The following CTNNA3 variants were observed in gnomAD, a reference collection of about 807,000 sequenced individuals.
CTNNA3 encodes catenin alpha-3.
Under a neutral mutation model 95.7 loss-of-function variants are expected in CTNNA3, and 76 were observed. The observed-to-expected ratio is 0.79, with a 90% CI of 0.66 to 0.96. CTNNA3 has a LOEUF of 0.96. CTNNA3 is among the 40% of genes least tolerant of loss of function. The probability of loss-of-function intolerance (pLI) is 0.00; values close to 1 mark genes in which losing one functional copy is unlikely to be tolerated. For missense variants in CTNNA3, 1,191 were observed against 1,089.8 expected (o/e 1.09, Z -1.31); for synonymous variants, 431 against 374.4 (o/e 1.15, Z -1.74).
intron 9 of CTNNA3, among the ~76,000 whole-genome samples, chr10:66,752,743 G>C (rs1839196859): frequency 2.0e-5 from 3 of 151,898 alleles, no homozygotes; most frequent in African/African-American, 7.3e-5. Context: ...TAAGAAAATA[G>C]GGCTTGAAAA....
chr10:66,290,151 A>G (rs2091656171), intron 12 of CTNNA3, among the ~76,000 whole-genome samples: 1 of 152,072 alleles, frequency 6.6e-6, no homozygotes. Flanking sequence ...ATGTGTGAAT[A>G]AAGAGAAGTA....
chr10:67,540,494 C>G (rs1840648625), intron 3 of CTNNA3, among the ~76,000 whole-genome samples: 1 of 151,868 alleles, frequency 6.6e-6, no homozygotes, highest in African/African-American at 2.4e-5. Context: ...CCAAACTAAT[C>G]CCCCAAAGCA....
intron 1 of CTNNA3, among the ~76,000 whole-genome samples, chr10:67,756,562 A>T (rs1395402938): frequency 6.6e-6 from 1 of 152,220 alleles, no homozygotes; most frequent in African/African-American, 2.4e-5. Flanking sequence ...AACCTTGCAA[A>T]TGTGCTAAGA....
At chr10:66,465,155 A>G (rs13377069) in intron 11 of CTNNA3, among the ~76,000 whole-genome samples, 9,423 of 152,210 alleles carry the variant, frequency 0.062, 611 homozygotes, top group African/African-American at 0.16. Context: ...CAATAGATAC[A>G]TTGTAAAACT....
chr10:65,937,190 C>CT (rs1445456056), intron 17 of CTNNA3, among the ~76,000 whole-genome samples: 3 of 152,002 alleles, frequency 2.0e-5, no homozygotes, highest in Admixed American at 2.0e-4. Flanking sequence ...AATCAATGTC[C>CT]TTTTTACATG....
At chr10:65,999,163 G>A (rs1055307276) in intron 15 of CTNNA3, among the ~76,000 whole-genome samples, 2 of 152,040 alleles carry the variant, frequency 1.3e-5, no homozygotes, top group Admixed American at 6.6e-5. Flanking sequence ...TAGATGTTAC[G>A]TACATGGTTA....
chr10:66,623,294 A>G (rs1335035780), intron 9 of CTNNA3, among the ~76,000 whole-genome samples: 1 of 152,154 alleles, frequency 6.6e-6, no homozygotes, highest in Non-Finnish European at 1.5e-5. Flanking sequence ...CATTGGCTCA[A>G]TGTGGTCAAA....
chr10:67,637,668 G>A (rs541360613), intron 2 of CTNNA3, among the ~76,000 whole-genome samples: 7 of 152,126 alleles, frequency 4.6e-5, no homozygotes, highest in African/African-American at 7.2e-5. Flanking sequence ...CTGATCTCTC[G>A]GCAGAAACTC....
At chr10:66,548,615 C>T (rs139610257) in intron 10 of CTNNA3, among the ~76,000 whole-genome samples, 8 of 152,014 alleles carry the variant, frequency 5.3e-5, no homozygotes, top group African/African-American at 1.9e-4. Context: ...TCCTAATTGG[C>T]TAAAATTCTG....
chr10:66,015,105 A>AAATAAT lies in CTNNA3; in HGVS notation c.2160-26314_2160-26309dup, dbSNP rs374364944. 4.7e-5 allele frequency among the ~76,000 whole-genome samples: 7 copies of AAATAAT among 150,150 alleles called. No homozygotes were observed. In the South Asian group the frequency reaches 8.5e-4, roughly 18 times the overall value. On this transcript the variant is annotated intron_variant, in intron 15 of 17. Coordinates refer to ENST00000433211, the MANE Select transcript of CTNNA3 (RefSeq NM_013266.4). Reference sequence around the variant, plus strand: ...TGACAGAGCGAGACTCTGTCTCAAAAAATAATAATAATAATAATAAAATAA... The same window carrying AAATAAT: ...TGACAGAGCGAGACTCTGTCTCAAAAAATAATAATAATAATAATAATAATAAAATAA...
At chr10:66,426,667 T>C (rs778870892) in intron 11 of CTNNA3, among the ~76,000 whole-genome samples, 9 of 151,958 alleles carry the variant, frequency 5.9e-5, no homozygotes. Context: ...AAATTGCCTC[T>C]TACCATTAAC....
At chr10:66,011,096 C>G (rs2078997087) in intron 15 of CTNNA3, among the ~76,000 whole-genome samples, 1 of 152,200 alleles carries the variant, frequency 6.6e-6, no homozygotes, top group Admixed American at 6.5e-5. Flanking sequence ...TCATCCCTCA[C>G]TTGACCTAGT....
rs570079631 is a variant in CTNNA3, at chr10:66,288,497, C to T, written c.1733-7876G>A. Among the ~76,000 whole-genome samples the T allele has an allele frequency of 5.7e-4, 87 of 152,196 alleles. 1 individual carries two copies. The highest frequency in any genetic ancestry group is 1.3e-4 in the Non-Finnish European group (9 of 67,978). On this transcript the variant is annotated intron_variant, in intron 12 of 17. Coordinates refer to ENST00000433211, the MANE Select transcript of CTNNA3 (RefSeq NM_013266.4). ...GCACCACTGAGTTGCTCATACTTCA[C>T]TATTTTCTAAAGTTGTGTTGTTTAA...
At chr10:66,934,418 A>G (rs561014788) in intron 7 of CTNNA3, among the ~76,000 whole-genome samples, 2 of 152,254 alleles carry the variant, frequency 1.3e-5, no homozygotes, top group South Asian at 4.1e-4. Flanking sequence ...CAATTCAGTC[A>G]TTTGGCTCAA....
In CTNNA3 at chr10:67,043,408, T is replaced by C. The variant is rs542495773; in HGVS notation, c.1047+136909A>G. ...GCCAAAACATGCTACTGAAACCCTT[T>C]ATTTGTTCCACAGAAAGAAATGATC... On this transcript the variant is annotated intron_variant, in intron 7 of 17. Transcript: ENST00000433211. 1.4e-4 allele frequency among the ~76,000 whole-genome samples: 22 copies of C among 152,266 alleles called. 1 individual carries two copies. In the East Asian group the frequency reaches 3.7e-3, roughly 25 times the overall value.
In CTNNA3 at chr10:67,485,335, A is replaced by T. The variant is rs184354972; in HGVS notation, c.579+36507T>A. Among the ~76,000 whole-genome samples, 339 of 152,262 alleles carry T rather than the reference A, an allele frequency of 2.2e-3. 2 individuals are homozygous for T. The highest frequency in any genetic ancestry group is 7.7e-3 in the African/African-American group (320 of 41,564). ...ACTAGTAGAGGTGGGGACATTGGGA[A>T]CTACTAGAGGTTAGAGGAAGAAGAG... On this transcript the variant is annotated intron_variant, in intron 5 of 17. Coordinates refer to ENST00000433211, the MANE Select transcript of CTNNA3 (RefSeq NM_013266.4).
intron 9 of CTNNA3, among the ~76,000 whole-genome samples, chr10:66,630,152 GA>G (rs1474024098): frequency 6.6e-6 from 1 of 152,102 alleles, no homozygotes; most frequent in Admixed American, 6.6e-5. Flanking sequence ...GTTCTTTGGG[GA>G]GTGAATGAAT....
At chr10:67,296,616 G>T (rs1840040995) in intron 5 of CTNNA3, among the ~76,000 whole-genome samples, 1 of 152,118 alleles carries the variant, frequency 6.6e-6, no homozygotes, top group African/African-American at 2.4e-5. Context: ...TTGGTAGTTG[G>T]ATGACCAATG....
intron 9 of CTNNA3, among the ~76,000 whole-genome samples, chr10:66,672,026 G>T (rs1481195133): frequency 6.6e-6 from 1 of 152,254 alleles, no homozygotes; most frequent in Non-Finnish European, 1.5e-5. Flanking sequence ...AAACCTGTCA[G>T]CATTAGGATA....
Sources: gnomAD v4.1 joint callset for allele counts (sites outside exome capture counted in the v4.1 genomes callset) on GRCh38, gnomAD v4.1.1 for gene constraint, MANE v1.5 for transcripts, NCBI Gene and HGNC (gene_info 2026-07-23, HGNC 2026-07-21) for gene names.